Variants in AKAP9 observed in about 807,000 individuals in gnomAD.
AKAP9 encodes the protein A-kinase anchoring protein 9, also known as A-kinase anchor protein 9.
A neutral mutation model predicts 488.5 loss-of-function variants in AKAP9; 311 were observed. The ratio of observed to expected loss-of-function variants is 0.64; its 90% confidence interval spans 0.58 to 0.70. AKAP9 has a LOEUF of 0.70. AKAP9 is among the 30% of genes least tolerant of loss of function. The pLI is 0.00. For missense variants in AKAP9, 4,215 were observed against 4,374.5 expected (o/e 0.96, Z 1.03); for synonymous variants, 1,462 against 1,483.5 (o/e 0.99, Z 0.33).
intron 8 of AKAP9, among the ~76,000 whole-genome samples, chr7:92,003,861 GAT>G (rs1300429864): frequency 6.6e-6 from 1 of 152,110 alleles, no homozygotes; most frequent in South Asian, 2.1e-4. Context: ...GCCAGATACT[GAT>G]ATTAAAATAA....
At chr7:92,106,920 A>G (rs953860963) in intron 47 of AKAP9, among the ~76,000 whole-genome samples, 4 of 152,220 alleles carry the variant, frequency 2.6e-5, no homozygotes, top group Non-Finnish European at 5.9e-5. Context: ...GTAGATTGGA[A>G]TGGTTACATT....
rs138468216 is a variant in AKAP9, at chr7:92,079,447, A to T, written c.7314A>T (p.Glu2438Asp). The T allele has an allele frequency of 6.9e-5, 111 of 1,614,086 alleles. 1 individual carries two copies. Among genetic ancestry groups the T allele is most frequent in the Middle Eastern group, 6.6e-4 (4 of 6,060 alleles). The change falls in exon 31 of 50, where the codon GAA becomes GAT. Residue 2438 changes from glutamate (E) to aspartate (D), a missense_variant. Transcript: ENST00000356239. ...QELFSLKRER[E>D]SVEKIQSIPE... ...TATTCAGCTTAAAGAGAGAACGTGA[A>T]AGTGTGGAAAAGATTCAAAGCATAC...
chr7:92,103,625 G>A (rs1469003024), intron 46 of AKAP9, among the ~76,000 whole-genome samples: 3 of 151,510 alleles, frequency 2.0e-5, no homozygotes, highest in African/African-American at 7.3e-5. Context: ...AACCTGGGAG[G>A]TGGAGCTTGC....
In AKAP9 at chr7:92,107,286, A is replaced by G; in HGVS notation, c.11417-7A>G. The G allele has an allele frequency of 6.2e-7, 1 of 1,613,838 alleles. No homozygotes were observed. The highest frequency in any genetic ancestry group is 8.5e-7 in the Non-Finnish European group (1 of 1,179,902). On this transcript the variant is annotated splice_polypyrimidine_tract_variant and splice_region_variant and intron_variant, in intron 47 of 49. Transcript: ENST00000356239. ...TTCTTTACAAGGAATATTTTGGGTT[A>G]CTTTAGGTGCAGAAAAGACTGACTC...
intron 2 of AKAP9, among the ~76,000 whole-genome samples, chr7:91,975,912 TG>T (rs67892741): frequency 0.43 from 61,014 of 142,658 alleles, 14,067 homozygotes; most frequent in African/African-American, 0.58. Flanking sequence ...GTTTGTTTTT[TG>T]TTTGTTTGTT....
At chr7:91,956,128 C>T (rs766389236) in intron 1 of AKAP9, among the ~76,000 whole-genome samples, 5 of 151,938 alleles carry the variant, frequency 3.3e-5, no homozygotes, top group Middle Eastern at 3.4e-3. Context: ...AGGCTGGGCG[C>T]GGTGGCTCAC....
In AKAP9 at chr7:92,002,488, T is replaced by C; in HGVS notation, c.2571T>C (p.Phe857=). The C allele has an allele frequency of 6.2e-7, 1 of 1,611,346 alleles. No homozygotes were observed. Among genetic ancestry groups the C allele is most frequent in the East Asian group, 2.2e-5 (1 of 44,788 alleles). The change falls in exon 8 of 50, where the codon TTT becomes TTC. Residue 857 remains phenylalanine, a synonymous_variant. Transcript: ENST00000356239. ...CTTTTTCATTTGCTGAAAAAAACTT[T>C]GAAGTTAACTATCAAGAGTTACAAG... ...RNTFSFAEKN[F]EVNYQELQEE...
chr7:91,964,515 A>G (rs542437736), intron 1 of AKAP9, among the ~76,000 whole-genome samples: 33 of 152,182 alleles, frequency 2.2e-4, no homozygotes, highest in Non-Finnish European at 3.8e-4. Flanking sequence ...CTATTTGGGT[A>G]ATGCCTACCC....
At chr7:92,016,309 CTTAAA>C in intron 11 of AKAP9, 42 bp downstream of exon 11, 3 of 1,330,044 alleles carry the variant, frequency 2.3e-6, no homozygotes, top group Non-Finnish European at 2.1e-6. Flanking sequence ...ATTTAATCCT[CTTAAA>C]TTAATTGATG....
At chr7:92,094,129 G>A (rs1816120332) in intron 39 of AKAP9, among the ~76,000 whole-genome samples, 1 of 152,058 alleles carries the variant, frequency 6.6e-6, no homozygotes, top group Admixed American at 6.5e-5. Flanking sequence ...GGGATTACAG[G>A]TGTGAGCCAC....
intron 16 of AKAP9, among the ~76,000 whole-genome samples, chr7:92,036,458 GT>G (rs1238689604): frequency 2.0e-5 from 3 of 152,032 alleles, no homozygotes; most frequent in Admixed American, 2.0e-4. Flanking sequence ...AGCTACAAAT[GT>G]TTTTGTAGAG....
At chr7:92,099,294 G>A (rs1007935992) in intron 43 of AKAP9, among the ~76,000 whole-genome samples, 18 of 152,098 alleles carry the variant, frequency 1.2e-4, no homozygotes, top group South Asian at 2.1e-4. Context: ...TACCTGACTC[G>A]AAGATTATAT....
rs755860058 is a variant in AKAP9, at chr7:92,079,918, T to C, written c.7785T>C (p.Asp2595=). Reference sequence around the variant, plus strand: ...AGAATTTAAATCAACTAAGAGAAGATGAGTTGGGGTCAGATATATCAGCAT... The same window carrying C: ...AGAATTTAAATCAACTAAGAGAAGACGAGTTGGGGTCAGATATATCAGCAT... ...NIQNLNQLRE[D]ELGSDISALT... The change falls in exon 31 of 50, where the codon GAT becomes GAC. Residue 2595 remains aspartate, a synonymous_variant. Coordinates refer to ENST00000356239, the MANE Select transcript of AKAP9 (RefSeq NM_005751.5). The C allele has an allele frequency of 6.2e-7, 1 of 1,613,652 alleles. No homozygotes were observed. Among genetic ancestry groups the C allele is most frequent in the Non-Finnish European group, 8.5e-7 (1 of 1,179,802 alleles).
intron 38 of AKAP9, 80 bp from the exon 39 acceptor site, chr7:92,093,017 T>C: frequency 8.1e-7 from 1 of 1,230,490 alleles, no homozygotes; most frequent in East Asian, 2.4e-5. Context: ...TAACTACAAA[T>C]CAGTTCTTAT....
At chr7:91,963,699 T>C (rs1017752124) in intron 1 of AKAP9, among the ~76,000 whole-genome samples, 4 of 152,122 alleles carry the variant, frequency 2.6e-5, no homozygotes, top group African/African-American at 9.7e-5. Context: ...TTTGTATTTT[T>C]AGTAGAGATG....
chr7:91,994,745 A>G lies in AKAP9; in HGVS notation c.701A>G (p.Gln234Arg). 1 of 1,612,020 alleles carries G rather than the reference A, an allele frequency of 6.2e-7. No homozygotes were observed. The highest frequency in any genetic ancestry group is 8.5e-7 in the Non-Finnish European group (1 of 1,179,288). Residue 234 changes from glutamine (Q) to arginine (R), a missense_variant, in exon 6 of 50, where the codon CAG (glutamine) becomes CGG (arginine). Gln to Arg is a conservative substitution (Grantham distance 43, BLOSUM62 1). This residue lies in a region of AKAP9 where 2,361 missense variants were observed against 2,430.0 expected (regional missense o/e 0.97). Coordinates refer to ENST00000356239, the MANE Select transcript of AKAP9 (RefSeq NM_005751.5). ...AGAGAATTTTTAGAGTTGACAGAAC[A>G]GAGTCAAAAATTACAGATTCAATTT... ...TMREFLELTE[Q>R]SQKLQIQFQQ...
rs71537263 is a variant in AKAP9 at position 92,077,094 on chromosome 7, TTC to T, written c.6765+89_6765+90del. The T allele has an allele frequency of 6.0e-4, 255 of 428,168 alleles. 4 individuals carry two copies. The highest frequency in any genetic ancestry group is 6.4e-4 in the Non-Finnish European group (188 of 295,286). The allele number at this position is 428,168 out of a possible 1,614,324, so 26.5% of individuals were successfully genotyped here. A position where few individuals can be genotyped will look rare whatever the true frequency, so the allele number is the denominator to read the frequency against. On this transcript the variant is annotated intron_variant, in intron 29 of 49. Coordinates refer to ENST00000356239, the MANE Select transcript of AKAP9 (RefSeq NM_005751.5). ...TATTATTATTATTATTATTATTTCTTTCTTTTTTTTTTTTTTTTTGAGACTTA... is the reference window on the plus strand; with the variant it reads ...TATTATTATTATTATTATTATTTCTTTTTTTTTTTTTTTTTTTGAGACTTA...
intron 21 of AKAP9, among the ~76,000 whole-genome samples, chr7:92,052,249 G>A (rs560528646): frequency 6.6e-5 from 10 of 150,998 alleles, no homozygotes; most frequent in Middle Eastern, 3.4e-3. Context: ...GTCTGCTCCC[G>A]AAAAATCCAA....
intron 38 of AKAP9, among the ~76,000 whole-genome samples, chr7:92,091,598 C>A (rs6979646): frequency 0.98 from 128,161 of 131,158 alleles, 62,591 homozygotes; most frequent in Middle Eastern, 1. Context: ...AAAAAAAAAA[C>A]AAAAAAAAAA....
Sources: gnomAD v4.1 joint callset for allele counts (sites outside exome capture counted in the v4.1 genomes callset) on GRCh38, gnomAD v4.1.1 for gene constraint, gnomAD v4.1.1 regional missense constraint, MANE v1.5 for transcripts, NCBI Gene and HGNC (gene_info 2026-07-23, HGNC 2026-07-21) for gene names.